Variants in NR4A1 observed in about 807,000 individuals in gnomAD.
NR4A1 encodes nuclear receptor subfamily 4 group A member 1.
Under a neutral mutation model 47.5 loss-of-function variants are expected in NR4A1, and 24 were observed. The ratio of observed to expected loss-of-function variants is 0.50; its 90% CI spans 0.37 to 0.71. The LOEUF is 0.71. Ranked by LOEUF, NR4A1 falls within the 30% of genes least tolerant of loss-of-function variation. The pLI is 0.00. For missense variants in NR4A1, 669 were observed against 788.6 expected (o/e 0.85, Z 1.82); for synonymous variants, 353 against 345.7 (o/e 1.02, Z -0.24).
chr12:52,041,794 G>T (rs1156272738), intron 1 of NR4A1: 3 of 1,327,766 alleles, frequency 2.3e-6, no homozygotes, highest in African/African-American at 3.0e-5. Context: ...CACTCACATC[G>T]ACTCTCCCTC....
At chr12:52,036,928 C>T (rs1345504851) in intron 1 of NR4A1, among the ~76,000 whole-genome samples, 2 of 152,218 alleles carry the variant, frequency 1.3e-5, no homozygotes, top group Non-Finnish European at 2.9e-5. Flanking sequence ...AGCGAGACCT[C>T]GGCACCCTCA....
At chr12:52,037,857 C>T in intron 1 of NR4A1, 1 of 984,412 alleles carries the variant, frequency 1.0e-6, no homozygotes, top group Non-Finnish European at 1.2e-6. Context: ...CTCGTGGAGT[C>T]AGGCGGAGCT....
intron 3 of NR4A1, 109 bp downstream of exon 3, chr12:52,056,268 A>G: frequency 4.8e-6 from 7 of 1,456,278 alleles, no homozygotes; most frequent in Non-Finnish European, 6.4e-6. Context: ...GGCACGTCTT[A>G]TTTCCACCCC....
At chr12:52,049,128 C>T (rs1203105300), upstream of NR4A1, among the ~76,000 whole-genome samples, 1 of 152,136 alleles carries the variant, frequency 6.6e-6, no homozygotes, top group Non-Finnish European at 1.5e-5. Context: ...TTACAGTCAC[C>T]CCTTGGTTTA....
chr12:52,032,435 A>G (rs940188952), intron 1 of NR4A1, among the ~76,000 whole-genome samples: 2 of 152,250 alleles, frequency 1.3e-5, no homozygotes, highest in Admixed American at 1.3e-4. Flanking sequence ...CTCAGCGTCC[A>G]TAATCATGGG....
intron 2 of NR4A1, among the ~76,000 whole-genome samples, chr12:52,042,778 G>A (rs1565643977): frequency 6.6e-6 from 1 of 152,226 alleles, no homozygotes; most frequent in Non-Finnish European, 1.5e-5. Context: ...GACATGAGAT[G>A]GGGCCAAGGG....
upstream of NR4A1, among the ~76,000 whole-genome samples, chr12:52,047,679 T>C (rs1026687351): frequency 1.3e-5 from 2 of 152,160 alleles, no homozygotes; most frequent in Non-Finnish European, 2.9e-5. Flanking sequence ...CAGGCCCAGA[T>C]CTGGAGGCTA....
intron 2 of NR4A1, chr12:52,041,982 G>A: frequency 6.2e-6 from 8 of 1,280,086 alleles, no homozygotes; most frequent in Non-Finnish European, 7.9e-6. Flanking sequence ...TGGGGTTGGG[G>A]GGCAGAGGTG....
Position 52,057,484 on chromosome 12 carries a change from C to T in NR4A1, c.1494C>T (p.Val498=), listed in dbSNP as rs1159399288. Residue 498 remains valine (V), a synonymous_variant, in exon 6 of 7, where the codon GTC becomes GTT. Transcript: ENST00000394825. Reference sequence around the variant, plus strand: ...CAAGGTCCCTGCACAGCTTGCTTGTCGATGTCCCTGCCTTCGCCTGCCTCT... The same window carrying T: ...CAAGGTCCCTGCACAGCTTGCTTGTTGATGTCCCTGCCTTCGCCTGCCTCT... The part of the protein sequence containing the change: ...AFSRSLHSLL[V]DVPAFACLSA... 5.0e-6 allele frequency: 8 copies of T among 1,614,200 alleles called. No individual in the cohort carries two copies. The highest frequency in any genetic ancestry group is 4.4e-5 in the South Asian group (4 of 91,086).
At chr12:52,027,230 G>A (rs1938017276) in intron 1 of NR4A1, among the ~76,000 whole-genome samples, 1 of 152,216 alleles carries the variant, frequency 6.6e-6, no homozygotes, top group Admixed American at 6.5e-5. Context: ...AATAGCTGAG[G>A]CTGTACCGGC....
intron 1 of NR4A1, among the ~76,000 whole-genome samples, chr12:52,040,873 C>T (rs964566295): frequency 1.3e-5 from 2 of 152,200 alleles, no homozygotes; most frequent in African/African-American, 4.8e-5. Context: ...CAGTGAAGGC[C>T]TGGTCCTGCC....
At chr12:52,032,943 T>C (rs1274783281) in intron 1 of NR4A1, among the ~76,000 whole-genome samples, 1 of 152,024 alleles carries the variant, frequency 6.6e-6, no homozygotes, top group Non-Finnish European at 1.5e-5. Context: ...ATTTCCCCCA[T>C]CCTCCCAATG....
At chr12:52,041,836 C>A (rs1330608504) in exon 2 of NR4A1, 5 of 1,498,550 alleles carry the variant, frequency 3.3e-6, no homozygotes, top group Non-Finnish European at 4.4e-6. Flanking sequence ...GAGGCCAGGC[C>A]CTGCCCCTCC....
intron 1 of NR4A1, among the ~76,000 whole-genome samples, chr12:52,032,084 C>T (rs371891071): frequency 1.4e-4 from 21 of 152,234 alleles, no homozygotes; most frequent in African/African-American, 4.3e-4. Context: ...GCTTGAGCCA[C>T]CGTGATGGTT....
chr12:52,027,424 C>T (rs144233681), intron 1 of NR4A1, among the ~76,000 whole-genome samples: 5 of 152,308 alleles, frequency 3.3e-5, no homozygotes, highest in African/African-American at 7.2e-5. Context: ...TTCGAGTGCC[C>T]GCAGGATGGT....
At chr12:52,023,823 C>T (rs1300240801) in intron 1 of NR4A1, among the ~76,000 whole-genome samples, 1 of 152,208 alleles carries the variant, frequency 6.6e-6, no homozygotes, top group Non-Finnish European at 1.5e-5. Context: ...AGGGGCGGGT[C>T]CTGGTAGGGG....
In NR4A1 at chr12:52,059,026, C is replaced by G; in HGVS notation, c.*82C>G. The G allele has an allele frequency of 6.7e-7, 1 of 1,490,284 alleles. No individual in the cohort carries two copies. The allele number at this position is 1,490,284 out of a possible 1,614,324, so 92.3% of individuals were successfully genotyped here. On this transcript the variant is annotated 3_prime_UTR_variant, in exon 7 of 7. Transcript: ENST00000394825. ...TTTAGTCCACGGACCCCCAGAGCACCCCCAAGCCTGGGCTTGAGCTGCAGA... is the reference window on the plus strand; with the variant it reads ...TTTAGTCCACGGACCCCCAGAGCACGCCCAAGCCTGGGCTTGAGCTGCAGA...
At chr12:52,030,644 G>A (rs1433587198) in intron 1 of NR4A1, among the ~76,000 whole-genome samples, 1 of 152,130 alleles carries the variant, frequency 6.6e-6, no homozygotes, top group Non-Finnish European at 1.5e-5. Context: ...GGCCAGTCTG[G>A]TCTCGAACTC....
intron 1 of NR4A1, among the ~76,000 whole-genome samples, chr12:52,033,700 G>C (rs1938179900): frequency 6.6e-6 from 1 of 152,204 alleles, no homozygotes; most frequent in Admixed American, 6.5e-5. Flanking sequence ...TGAGCCCTGA[G>C]ACAGCCCCAG....
Sources: gnomAD v4.1 joint callset for allele counts (sites outside exome capture counted in the v4.1 genomes callset) on GRCh38, gnomAD v4.1.1 for gene constraint, MANE v1.5 for transcripts, NCBI Gene and HGNC (gene_info 2026-07-23, HGNC 2026-07-21) for gene names.